The following ATP11A variants were observed in gnomAD, a reference collection of about 807,000 sequenced individuals.
ATP11A encodes phospholipid-transporting ATPase IH.
ATP11A carries 81 observed loss-of-function variants against 154.4 expected under a neutral mutation model. The ratio of observed to expected loss-of-function variants is 0.52; its 90% CI spans 0.44 to 0.63. The LOEUF is 0.63. Ranked by LOEUF, ATP11A falls within the 30% of genes least tolerant of loss-of-function variation. The probability of loss-of-function intolerance (pLI) is 0.00; values close to 1 mark genes in which losing one functional copy is unlikely to be tolerated. For missense variants in ATP11A, 1,316 were observed against 1,474.3 expected, an observed-to-expected ratio of 0.89 and a Z score of 1.76; for synonymous variants, 623 against 585.9, an observed-to-expected ratio of 1.06 and a Z score of -0.91.
At position 112,859,823 on chromosome 13, in the gene ATP11A, G is replaced by A. The variant is rs891424479; in HGVS notation, c.2727+371G>A. 3.3e-5 allele frequency among the ~76,000 whole-genome samples: 5 copies of A among 152,338 alleles called. No homozygotes were observed. Among genetic ancestry groups the A allele is most frequent in the African/African-American group, 7.2e-5 (3 of 41,584 alleles). On this transcript the variant is annotated intron_variant, in intron 23 of 29. Transcript: ENST00000375645. The surrounding 1 kb of genome is among the most constrained non-coding windows in gnomAD (Gnocchi z 4.3). ...CATGGGCCACCCCGGTGCCTGGCAC[G>A]TTAACACATGCAACGTGCCCATAGG... is the stretch of plus-strand genomic sequence containing the variant.
intron 1 of ATP11A, among the ~76,000 whole-genome samples, chr13:112,773,800 C>T (rs1594637354): frequency 6.6e-6 from 1 of 152,258 alleles, no homozygotes; most frequent in Non-Finnish European, 1.5e-5. Context: ...TGGCGATCTG[C>T]GTCTGTGGGT....
At chr13:112,804,883 T>A in intron 2 of ATP11A, 74 bp from the exon 3 acceptor site, 1 of 840,324 alleles carries the variant, frequency 1.2e-6, no homozygotes, top group Non-Finnish European at 1.9e-6. Context: ...CAGTGCTACT[T>A]ACTATGCCCT....
At chr13:112,708,216 G>T (rs1239869606) in intron 1 of ATP11A, among the ~76,000 whole-genome samples, 1 of 152,162 alleles carries the variant, frequency 6.6e-6, no homozygotes, top group Non-Finnish European at 1.5e-5. Flanking sequence ...CCAAGAGTTT[G>T]TCGAATCCCA....
chr13:112,839,618 G>T (rs1271992804), intron 16 of ATP11A, among the ~76,000 whole-genome samples: 1 of 152,190 alleles, frequency 6.6e-6, no homozygotes, highest in Non-Finnish European at 1.5e-5. Context: ...ACAGGATCCT[G>T]TGTGTTCGGT....
intron 16 of ATP11A, among the ~76,000 whole-genome samples, chr13:112,837,708 A>C (rs2079276284): frequency 6.6e-6 from 1 of 152,088 alleles, no homozygotes; most frequent in Non-Finnish European, 1.5e-5. Context: ...GCTTCATGCC[A>C]GCATTTTCCT....
At chr13:112,760,681 C>T (rs927141017) in intron 1 of ATP11A, among the ~76,000 whole-genome samples, 4 of 152,006 alleles carry the variant, frequency 2.6e-5, no homozygotes, top group Admixed American at 6.6e-5. Context: ...GTCATGTTTG[C>T]GTAAATATAA....
At chr13:112,819,281 TCA>T (rs200424063) in intron 6 of ATP11A, 21 bp from the exon 7 acceptor site, 1 of 1,552,658 alleles carries the variant, frequency 6.4e-7, no homozygotes, top group Non-Finnish European at 8.8e-7. Flanking sequence ...GGCGGTGAGC[TCA>T]CATGTCTTGT....
chr13:112,854,156 A>T, intron 18 of ATP11A, 123 bp from the exon 19 acceptor site: 1 of 1,276,832 alleles, frequency 7.8e-7, no homozygotes, highest in Non-Finnish European at 1.1e-6. Context: ...CACAGTGTGG[A>T]GTGTTTTGAT....
intron 1 of ATP11A, among the ~76,000 whole-genome samples, chr13:112,706,634 A>C (rs1887169743): frequency 6.6e-6 from 1 of 152,168 alleles, no homozygotes; most frequent in South Asian, 2.1e-4. Context: ...ATTTAAGAGT[A>C]TTTTCCTGTA....
intron 1 of ATP11A, among the ~76,000 whole-genome samples, chr13:112,710,791 A>G (rs368656950): frequency 3.3e-5 from 5 of 152,328 alleles, no homozygotes; most frequent in African/African-American, 1.2e-4. Context: ...AAATCATAAC[A>G]GGGCAGACAA....
intron 1 of ATP11A, among the ~76,000 whole-genome samples, chr13:112,693,906 C>T (rs1566335365): frequency 6.6e-6 from 1 of 152,178 alleles, no homozygotes; most frequent in Non-Finnish European, 1.5e-5. Flanking sequence ...GAGCTGAGAT[C>T]GCACCATTGC....
chr13:112,702,261 G>A (rs1197211823), intron 1 of ATP11A, among the ~76,000 whole-genome samples: 2 of 148,308 alleles, frequency 1.3e-5, no homozygotes, highest in Admixed American at 6.8e-5. Context: ...CAGGAGAAGC[G>A]CTTGAACCCA....
At chr13:112,772,748 G>A (rs1243562982) in intron 1 of ATP11A, among the ~76,000 whole-genome samples, 1 of 152,238 alleles carries the variant, frequency 6.6e-6, no homozygotes, top group East Asian at 1.9e-4. Context: ...CAAGCAGCCT[G>A]GGGCTTTGTG....
rs1462059592 is a variant in ATP11A at position 112,785,352 on chromosome 13, C to T, written c.162+95C>T. 7.7e-7 allele frequency: 1 copy of T among 1,299,608 alleles called. No homozygotes were observed. Among genetic ancestry groups the T allele is most frequent in the African/African-American group, 1.5e-5 (1 of 65,644 alleles). The allele number at this position is 1,299,608 out of a possible 1,614,324, so 80.5% of individuals were successfully genotyped here. On this transcript the variant is annotated intron_variant, in intron 2 of 29. Transcript: ENST00000375645. The surrounding 1 kb of genome is among the most constrained non-coding windows in gnomAD (Gnocchi z 4.8). ...TCGGTTTCAAAGAGCGGCTCTGCTC[C>T]TGGCCCTGCTGTCACAGCCACCAGC...
chr13:112,712,070 A>G (rs1887821607), intron 1 of ATP11A, among the ~76,000 whole-genome samples: 2 of 152,198 alleles, frequency 1.3e-5, no homozygotes, highest in African/African-American at 4.8e-5. Flanking sequence ...CGATGAGTTT[A>G]AAAAACAAAG....
At chr13:112,791,545 A>G (rs1341910311) in intron 2 of ATP11A, among the ~76,000 whole-genome samples, 2 of 152,184 alleles carry the variant, frequency 1.3e-5, no homozygotes, top group Non-Finnish European at 2.9e-5. Context: ...CACTTCTGTC[A>G]TTGCCCATGG....
At chr13:112,877,624 C>T (rs1157168515) in intron 28 of ATP11A, among the ~76,000 whole-genome samples, 1 of 152,134 alleles carries the variant, frequency 6.6e-6, no homozygotes, top group Non-Finnish European at 1.5e-5. Context: ...TTGCACGAGT[C>T]TCAGCCCCAC....
intron 29 of ATP11A, chr13:112,880,523 C>T: frequency 3.9e-6 from 5 of 1,293,816 alleles, no homozygotes; most frequent in Non-Finnish European, 4.1e-6. Context: ...CCACGTCGCT[C>T]AGTATCTTTC....
At chr13:112,868,986 G>A (rs75850131) in intron 25 of ATP11A, among the ~76,000 whole-genome samples, 1,526 of 152,042 alleles carry the variant, frequency 0.01, 33 homozygotes, top group African/African-American at 0.035. Context: ...CTCGCCCACC[G>A]TCAACGAGAT....
Sources: allele counts gnomAD v4.1 joint callset (sites outside exome capture counted in the v4.1 genomes callset), GRCh38; gene constraint gnomAD v4.1.1; non-coding constraint Gnocchi (gnomAD v3.1); transcripts MANE v1.5; gene names NCBI Gene and HGNC (gene_info 2026-07-23, HGNC 2026-07-21).